The following LDB3 variants were observed in gnomAD, a reference collection of about 807,000 sequenced individuals.
LDB3 encodes the protein LIM domain binding 3.
In LDB3, 49 loss-of-function variants were observed where a neutral mutation model predicts 69.0. That is an observed-to-expected ratio of 0.71 (90% CI 0.56 to 0.90). LDB3 has a LOEUF of 0.90. Among genes scored for constraint, LDB3 ranks in the 40% least tolerant of loss-of-function variants. The pLI, the probability that LDB3 is intolerant of heterozygous loss-of-function variation, is 0.00. For synonymous variants in LDB3, 387 were observed against 396.2 expected (o/e 0.98, Z 0.28); for missense variants, 928 against 974.1 (o/e 0.95, Z 0.63).
chr10:86,723,989 C>G (rs1448476456), intron 12 of LDB3, among the ~76,000 whole-genome samples: 1 of 152,214 alleles, frequency 6.6e-6, no homozygotes, highest in African/African-American at 2.4e-5. Context: ...GTGATGGAAC[C>G]TCTCCAGTCA....
rs1035330234 is a variant in LDB3, at chr10:86,734,922, T to G, written c.*1946T>G. The G allele has an allele frequency of 4.0e-5, 6 of 151,718 alleles. No individual in the cohort carries two copies. The highest frequency in any genetic ancestry group is 1.5e-4 in the African/African-American group (6 of 41,292). The allele number at this position is 151,718 out of a possible 1,614,324, so 9.4% of individuals were successfully genotyped here. ...ATGCAGGGACAAGGAGGTTGCTGAC[T>G]GTACTGACAGGCTCTAAGTCATTTT... On this transcript the variant is annotated 3_prime_UTR_variant, in exon 14 of 14. Transcript: ENST00000361373.
chr10:86,695,788 C>T (rs1439964468), intron 7 of LDB3, among the ~76,000 whole-genome samples: 2 of 152,184 alleles, frequency 1.3e-5, no homozygotes, highest in Non-Finnish European at 2.9e-5. Context: ...ATTGGGCAGC[C>T]ACATTGGGGA....
At chr10:86,695,997 C>T (rs2132429234) in intron 7 of LDB3, among the ~76,000 whole-genome samples, 2 of 152,368 alleles carry the variant, frequency 1.3e-5, no homozygotes, top group South Asian at 4.1e-4. Context: ...AGGAACAAAG[C>T]TGATCTTAGT....
chr10:86,728,206 G>C (rs146710368), intron 13 of LDB3, among the ~76,000 whole-genome samples: 2 of 152,174 alleles, frequency 1.3e-5, no homozygotes, highest in African/African-American at 4.8e-5. Flanking sequence ...CTTCTGGAAG[G>C]ATCCAAGAGA....
chr10:86,681,928 T>G, intron 5 of LDB3, 125 bp downstream of exon 5: 1 of 1,030,158 alleles, frequency 9.7e-7, no homozygotes, highest in South Asian at 1.6e-5. Context: ...CCCGAGCCCA[T>G]GAGGTCAGCA....
intron 9 of LDB3, among the ~76,000 whole-genome samples, chr10:86,715,484 C>T (rs1470985938): frequency 6.6e-6 from 1 of 152,168 alleles, no homozygotes; most frequent in Admixed American, 6.5e-5. Context: ...AAACGTTTTT[C>T]TGCTCTCAGG....
chr10:86,726,795 A>G (rs1369046970), intron 13 of LDB3, among the ~76,000 whole-genome samples: 1 of 152,154 alleles, frequency 6.6e-6, no homozygotes, highest in Admixed American at 6.5e-5. Context: ...CTGCCAGGAG[A>G]TAAGCCCTGG....
In LDB3 at chr10:86,681,516, C is replaced by G. The variant is rs887550326; in HGVS notation, c.402C>G (p.Gly134=). The change falls in exon 5 of 14, where the codon GGC becomes GGG. Residue 134 remains glycine (G), a synonymous_variant. Coordinates refer to ENST00000361373, the MANE Select transcript of LDB3 (RefSeq NM_007078.3). ...PEARASPGTP[G]TPELRPTFSP... ...CGAGGGCCAGCCCAGGCACCCCAGG[C>G]ACCCCGGAGCTCAGGCCCACCTTTA... The G allele has an allele frequency of 6.2e-7, 1 of 1,611,818 alleles. No individual in the cohort carries two copies. Among genetic ancestry groups the G allele is most frequent in the African/African-American group, 1.3e-5 (1 of 74,914 alleles).
chr10:86,694,007 T>C (rs73344181), intron 7 of LDB3, among the ~76,000 whole-genome samples: 9,168 of 152,274 alleles, frequency 0.06, 868 homozygotes, highest in African/African-American at 0.21. Flanking sequence ...GAGTCCTGCC[T>C]TCCTGGCTCC....
chr10:86,671,793 C>T (rs932115013), intron 2 of LDB3, among the ~76,000 whole-genome samples: 2 of 152,178 alleles, frequency 1.3e-5, no homozygotes, highest in African/African-American at 2.4e-5. Context: ...TTTACCTGCT[C>T]GGCCTCAGTT....
Position 86,718,111 on chromosome 10 carries a change from G to A in LDB3, c.1824G>A (p.Pro608=), listed in dbSNP as rs748428531. Residue 608 remains proline (P), a synonymous_variant, in exon 11 of 14, where the codon CCG becomes CCA. Transcript: ENST00000361373. The stretch of plus-strand genomic sequence containing the variant: ...GATGTTATGAGCAATTCTTTGCCCC[G>A]CTGTGTGCCAAGTGCAACACCAAAA... ...CERCYEQFFA[P]LCAKCNTKIM... 22 of 1,614,160 alleles carry A rather than the reference G, an allele frequency of 1.4e-5. No homozygotes were observed. Among genetic ancestry groups the A allele is most frequent in the South Asian group, 5.5e-5 (5 of 91,074 alleles).
At chr10:86,732,446 T>C (rs753943190) in intron 13 of LDB3, 6 of 453,130 alleles carry the variant, frequency 1.3e-5, no homozygotes, top group Non-Finnish European at 2.7e-5. Flanking sequence ...TAAGAATTCA[T>C]AGTGGGAGAA....
At chr10:86,669,417 G>A (rs1844337199) in intron 2 of LDB3, among the ~76,000 whole-genome samples, 1 of 152,228 alleles carries the variant, frequency 6.6e-6, no homozygotes, top group African/African-American at 2.4e-5. Context: ...GGGGCCTGGT[G>A]AGATGGCCCC....
intron 7 of LDB3, among the ~76,000 whole-genome samples, chr10:86,697,144 G>A (rs1846032151): frequency 6.6e-6 from 1 of 151,924 alleles, no homozygotes; most frequent in South Asian, 2.1e-4. Flanking sequence ...GAAATAGAAG[G>A]CCAGCACTGC....
intron 4 of LDB3, 92 bp from the exon 5 acceptor site, chr10:86,681,344 A>G: frequency 1.3e-6 from 2 of 1,569,406 alleles, no homozygotes; most frequent in Non-Finnish European, 1.7e-6. Flanking sequence ...TCGCGCTAAC[A>G]CATCTGTTTC....
chr10:86,669,769 G>A (rs941564115), intron 2 of LDB3, among the ~76,000 whole-genome samples: 3 of 152,352 alleles, frequency 2.0e-5, no homozygotes, highest in East Asian at 1.9e-4. Flanking sequence ...GTGCTGTTCC[G>A]GGCACAAGGC....
chr10:86,668,642 T>C lies in LDB3; in HGVS notation c.-23-27T>C, dbSNP rs755345465. 17 of 1,474,854 alleles carry C rather than the reference T, an allele frequency of 1.2e-5. No individual in the cohort carries two copies. In the Admixed American group the frequency reaches 1.5e-4, roughly 13 times the overall value. The allele number at this position is 1,474,854 out of a possible 1,614,324, so 91.4% of individuals were successfully genotyped here. On this transcript the variant is annotated intron_variant, in intron 1 of 13. Coordinates refer to ENST00000361373, the MANE Select transcript of LDB3 (RefSeq NM_007078.3). ...GCGGAGTGCCTGAGTGCCCTCTCAC[T>C]CAACCCTCTCTACCCTTTGTCTGCA... is the stretch of plus-strand genomic sequence containing the variant.
intron 7 of LDB3, among the ~76,000 whole-genome samples, chr10:86,704,154 G>A (rs1303235800): frequency 6.6e-6 from 1 of 151,638 alleles, no homozygotes; most frequent in Non-Finnish European, 1.5e-5. Flanking sequence ...AGAAAGAAAT[G>A]TGGATGCTCA....
At chr10:86,729,401 C>T (rs1847379515) in intron 13 of LDB3, among the ~76,000 whole-genome samples, 1 of 152,206 alleles carries the variant, frequency 6.6e-6, no homozygotes, top group African/African-American at 2.4e-5. Context: ...AAATGTCTTA[C>T]CCATCCCTCT....
Sources: gnomAD v4.1 joint callset for allele counts (sites outside exome capture counted in the v4.1 genomes callset) on GRCh38, gnomAD v4.1.1 for gene constraint, MANE v1.5 for transcripts, NCBI Gene and HGNC (gene_info 2026-07-23, HGNC 2026-07-21) for gene names.